CLSTN2: variants seen among roughly 807,000 people sequenced by gnomAD.
CLSTN2 encodes calsyntenin 2.
A neutral mutation model predicts 101.2 loss-of-function variants in CLSTN2; 48 were observed. The observed-to-expected ratio is 0.47, with a 90% CI of 0.38 to 0.60. The LOEUF is 0.60. CLSTN2 is among the 20% of genes least tolerant of loss of function. The pLI is 0.00. For synonymous variants in CLSTN2, 481 were observed against 463.6 expected, an observed-to-expected ratio of 1.04 and a Z score of -0.48; for missense variants, 1,160 against 1,238.2, an observed-to-expected ratio of 0.94 and a Z score of 0.95.
chr3:140,101,779 G>A (rs1421292904), intron 1 of CLSTN2, among the ~76,000 whole-genome samples: 3 of 152,152 alleles, frequency 2.0e-5, no homozygotes, highest in African/African-American at 7.2e-5. Flanking sequence ...TGGAACATAT[G>A]GCCAAAGGGA....
chr3:140,069,247 C>T (rs1197640007), intron 1 of CLSTN2, among the ~76,000 whole-genome samples: 1 of 152,216 alleles, frequency 6.6e-6, no homozygotes, highest in African/African-American at 2.4e-5. Flanking sequence ...AAACAAGTCT[C>T]TCACCTTTGG....
chr3:140,523,581 T>G (rs1935079053), intron 8 of CLSTN2, among the ~76,000 whole-genome samples: 1 of 152,230 alleles, frequency 6.6e-6, no homozygotes, highest in Admixed American at 6.5e-5. Flanking sequence ...ACATTGTATA[T>G]GCCTTACTTA....
At chr3:140,134,607 G>A (rs1214681696) in intron 1 of CLSTN2, among the ~76,000 whole-genome samples, 2 of 152,140 alleles carry the variant, frequency 1.3e-5, no homozygotes, top group East Asian at 3.9e-4. Flanking sequence ...TTGGACATAG[G>A]GAGTTACCAC....
chr3:140,365,366 C>A (rs556688269), intron 2 of CLSTN2, among the ~76,000 whole-genome samples: 2 of 152,136 alleles, frequency 1.3e-5, no homozygotes, highest in African/African-American at 4.8e-5. Flanking sequence ...AGAAGATATT[C>A]CCATTTCAAA....
At chr3:140,326,454 G>A (rs149200562) in intron 2 of CLSTN2, among the ~76,000 whole-genome samples, 3 of 152,274 alleles carry the variant, frequency 2.0e-5, no homozygotes, top group East Asian at 1.9e-4. Context: ...CACTACCTAC[G>A]TCTTTCATAG....
chr3:139,963,927 C>G (rs1935552107), intron 1 of CLSTN2, among the ~76,000 whole-genome samples: 2 of 152,284 alleles, frequency 1.3e-5, no homozygotes, highest in East Asian at 3.9e-4. Flanking sequence ...CAGGCACTGT[C>G]ACATCACAGG....
chr3:140,195,255 C>G (rs1394707295), intron 2 of CLSTN2, among the ~76,000 whole-genome samples: 3 of 152,234 alleles, frequency 2.0e-5, no homozygotes, highest in South Asian at 4.1e-4. Flanking sequence ...AGAAAGCAGC[C>G]TTTTCTTGGG....
At chr3:140,351,166 T>C (rs1046926828) in intron 2 of CLSTN2, among the ~76,000 whole-genome samples, 1 of 152,124 alleles carries the variant, frequency 6.6e-6, no homozygotes, top group African/African-American at 2.4e-5. Flanking sequence ...CAAGAGCTTG[T>C]CAAAATAAAA....
intron 8 of CLSTN2, among the ~76,000 whole-genome samples, chr3:140,498,907 C>A (rs1276046645): frequency 1.3e-5 from 2 of 151,278 alleles, no homozygotes; most frequent in South Asian, 4.2e-4. Context: ...AGACAGCATG[C>A]CTTTGGAATC....
chr3:140,177,617 C>T (rs1183596637), intron 2 of CLSTN2, among the ~76,000 whole-genome samples: 1 of 151,866 alleles, frequency 6.6e-6, no homozygotes, highest in Non-Finnish European at 1.5e-5. Context: ...TAATCAGAAC[C>T]CATCTCTACA....
intron 1 of CLSTN2, among the ~76,000 whole-genome samples, chr3:140,020,669 A>G (rs551375843): frequency 6.6e-6 from 1 of 152,270 alleles, no homozygotes; most frequent in East Asian, 1.9e-4. Context: ...CTGACCACTA[A>G]TAGCATCTTC....
intron 5 of CLSTN2, among the ~76,000 whole-genome samples, chr3:140,432,132 G>C (rs1443619013): frequency 6.6e-6 from 1 of 152,152 alleles, no homozygotes; most frequent in Non-Finnish European, 1.5e-5. Context: ...GGGTGCGGTA[G>C]AAAGTGTACA....
At chr3:140,372,857 T>C (rs574327210) in intron 2 of CLSTN2, among the ~76,000 whole-genome samples, 1 of 152,196 alleles carries the variant, frequency 6.6e-6, no homozygotes, top group East Asian at 1.9e-4. Context: ...GGTGGGAGGA[T>C]GGTTTGAGGG....
intron 2 of CLSTN2, among the ~76,000 whole-genome samples, chr3:140,255,614 G>A (rs751691217): frequency 4.6e-4 from 70 of 152,238 alleles, no homozygotes; most frequent in Non-Finnish European, 8.1e-4. Context: ...AGGTTGGAGG[G>A]TGGGAGGAGA....
intron 8 of CLSTN2, among the ~76,000 whole-genome samples, chr3:140,526,601 A>C (rs545391345): frequency 0.053 from 8,048 of 150,978 alleles, 733 homozygotes; most frequent in African/African-American, 0.19. Context: ...CAAACAAAAA[A>C]AAAAAACAAC....
At chr3:140,291,225 T>C (rs2086948966) in intron 2 of CLSTN2, among the ~76,000 whole-genome samples, 1 of 152,178 alleles carries the variant, frequency 6.6e-6, no homozygotes, top group Non-Finnish European at 1.5e-5. Context: ...TTTCACTATA[T>C]GTTAGTGCTT....
intron 8 of CLSTN2, among the ~76,000 whole-genome samples, chr3:140,500,612 A>T (rs1162589081): frequency 1.3e-5 from 2 of 152,154 alleles, no homozygotes; most frequent in African/African-American, 4.8e-5. Context: ...GTTGGCTGGA[A>T]AAGCCAGCCA....
At chr3:140,118,892 G>T (rs886842478) in intron 1 of CLSTN2, among the ~76,000 whole-genome samples, 1 of 152,160 alleles carries the variant, frequency 6.6e-6, no homozygotes, top group Admixed American at 6.5e-5. Context: ...CAGTTCCTCT[G>T]GTGGTGGTCT....
intron 1 of CLSTN2, among the ~76,000 whole-genome samples, chr3:140,078,008 G>A (rs1008841192): frequency 3.3e-5 from 5 of 152,204 alleles, no homozygotes; most frequent in African/African-American, 1.2e-4. Flanking sequence ...CCTGCAAAGG[G>A]TCAACTGTGA....
Sources: gnomAD v4.1 joint callset for allele counts (sites outside exome capture counted in the v4.1 genomes callset) on GRCh38, gnomAD v4.1.1 for gene constraint, MANE v1.5 for transcripts, NCBI Gene and HGNC (gene_info 2026-07-23, HGNC 2026-07-21) for gene names.